STAU2: variants seen among roughly 807,000 people sequenced by gnomAD.
STAU2 encodes staufen double-stranded RNA binding protein 2.
In STAU2, 20 loss-of-function variants were observed where a neutral mutation model predicts 65.9. That is an observed-to-expected ratio of 0.30 (90% confidence interval 0.21 to 0.44). The LOEUF (loss-of-function observed/expected upper bound fraction) is 0.44, where lower values mean the gene tolerates loss of function less well. Ranked by LOEUF, STAU2 falls within the 20% of genes least tolerant of loss-of-function variation. STAU2 has a pLI of 1.00. For missense variants in STAU2, 558 were observed against 683.9 expected (o/e 0.82, Z 2.05); for synonymous variants, 232 against 233.9 (o/e 0.99, Z 0.07).
chr8:73,613,364 T>C (rs1432346956), intron 9 of STAU2, among the ~76,000 whole-genome samples: 1 of 152,168 alleles, frequency 6.6e-6, no homozygotes. Flanking sequence ...TTTGACATGA[T>C]TGCTGAATAA....
chr8:73,468,678 T>A (rs936735380), intron 13 of STAU2, among the ~76,000 whole-genome samples: 3 of 152,230 alleles, frequency 2.0e-5, no homozygotes, highest in Non-Finnish European at 4.4e-5. Context: ...AGAAGACATT[T>A]ATGCAGCCAA....
intron 11 of STAU2, among the ~76,000 whole-genome samples, chr8:73,587,604 T>C (rs1810467543): frequency 2.6e-5 from 4 of 152,222 alleles, no homozygotes; most frequent in African/African-American, 9.6e-5. Context: ...CAGAAAGATG[T>C]AGAAAAGTGT....
At position 73,709,088 on chromosome 8, in the gene STAU2, T is replaced by C. The variant is rs1820713364; in HGVS notation, c.58A>G (p.Asn20Asp). 2 of 1,533,876 alleles carry C rather than the reference T, an allele frequency of 1.3e-6. No homozygotes were observed. The highest frequency in any genetic ancestry group is 1.7e-6 in the Non-Finnish European group (2 of 1,145,158). The change falls in exon 4 of 15, where the codon AAT becomes GAT. Residue 20 changes from asparagine to aspartate, a missense_variant. By Grantham distance (23) the Asn-to-Asp change is conservative. Transcript: ENST00000524300. Reference protein sequence around the residue: ...MCLVNELARFNRVQPQYKLLN... With the variant: ...MCLVNELARFDRVQPQYKLLN... Reference sequence around the variant, plus strand: ...AGTTTATACTGGGGTTGGACTCTATTGAAACGGGCTAACTCATTTACCAGA... The same window carrying C: ...AGTTTATACTGGGGTTGGACTCTATCGAAACGGGCTAACTCATTTACCAGA...
At chr8:73,438,171 G>C (rs1459838154) in intron 13 of STAU2, among the ~76,000 whole-genome samples, 1 of 152,146 alleles carries the variant, frequency 6.6e-6, no homozygotes, top group African/African-American at 2.4e-5. Context: ...GTCTCAGTCT[G>C]TCATTATTTC....
chr8:73,514,107 G>T (rs894069307), intron 13 of STAU2, among the ~76,000 whole-genome samples: 2 of 152,042 alleles, frequency 1.3e-5, no homozygotes, highest in African/African-American at 4.8e-5. Flanking sequence ...TGTTCTTTTG[G>T]TAGTCTACCT....
chr8:73,636,172 T>C (rs572292672), intron 6 of STAU2, among the ~76,000 whole-genome samples: 1 of 152,180 alleles, frequency 6.6e-6, no homozygotes, highest in Admixed American at 6.5e-5. Context: ...CTGGGCAACA[T>C]AGCAAAACCC....
intron 6 of STAU2, among the ~76,000 whole-genome samples, chr8:73,646,807 C>T (rs1333059368): frequency 6.6e-6 from 1 of 151,690 alleles, no homozygotes; most frequent in African/African-American, 2.4e-5. Flanking sequence ...AAAAGATTTG[C>T]AAACCACATA....
intron 6 of STAU2, among the ~76,000 whole-genome samples, chr8:73,641,787 C>T (rs1050492991): frequency 1.8e-4 from 27 of 152,214 alleles, no homozygotes; most frequent in Non-Finnish European, 3.5e-4. Flanking sequence ...TTAAAACATA[C>T]TTTAGAAAAT....
rs71561522 is a variant in STAU2 at position 73,429,413 on chromosome 8, CTTTTTTTTTTTTTTTT to C, written c.1531-6727_1531-6712del. Reference sequence around the variant, plus strand: ...AACCAATCTATATTCTTGCTCAGGTCTTTTTTTTTTTTTTTTTTTTTTTTTTTTTTTTTTTTTGAGG... The same window carrying C: ...AACCAATCTATATTCTTGCTCAGGTCTTTTTTTTTTTTTTTTTTTTTGAGG... On this transcript the variant is annotated intron_variant, in intron 13 of 14. Transcript: ENST00000524300. Among the ~76,000 whole-genome samples the C allele has an allele frequency of 2.6e-3, 170 of 65,366 alleles. 1 individual carries two copies. The highest frequency in any genetic ancestry group is 3.9e-3 in the Non-Finnish European group (111 of 28,528). 42.9% of individuals were successfully genotyped at this position (65,366 alleles called of 152,430 possible).
At chr8:73,746,326 C>G (rs112491443) in intron 1 of STAU2, among the ~76,000 whole-genome samples, 1 of 151,478 alleles carries the variant, frequency 6.6e-6, no homozygotes, top group Admixed American at 6.6e-5. Flanking sequence ...CTACTCTAGG[C>G]GCTCCCTCTC....
intron 13 of STAU2, among the ~76,000 whole-genome samples, chr8:73,519,243 T>C (rs1214969745): frequency 6.6e-6 from 1 of 152,172 alleles, no homozygotes; most frequent in African/African-American, 2.4e-5. Context: ...ACCCCTAGGA[T>C]GAAGACATGG....
chr8:73,586,025 CT>C, intron 11 of STAU2, among the ~76,000 whole-genome samples: 1 of 152,324 alleles, frequency 6.6e-6, no homozygotes. Flanking sequence ...CCAGCCAGCC[CT>C]GCAGAACTGT....
rs965983797 is a variant in STAU2, at chr8:73,670,586, G to A, written c.410+2521C>T. ...GGGAAGGGCAGAAGTCTAATACAGT[G>A]TGCAAATTCTTCTTAGAGAACCTAA... On this transcript the variant is annotated intron_variant, in intron 6 of 14. Coordinates refer to ENST00000524300, the MANE Select transcript of STAU2 (RefSeq NM_001164380.2). 8.5e-5 allele frequency: 13 copies of A among 152,280 alleles called. No individual in the cohort carries two copies. The East Asian group carries it at 1.7e-3, about 20-fold the overall frequency. The allele number at this position is 152,280 out of a possible 1,614,324, so 9.4% of individuals were successfully genotyped here. A position where few individuals can be genotyped will look rare whatever the true frequency, so the allele number is the denominator to read the frequency against.
chr8:73,570,621 G>C (rs1809002486), intron 12 of STAU2, among the ~76,000 whole-genome samples: 1 of 152,168 alleles, frequency 6.6e-6, no homozygotes, highest in South Asian at 2.1e-4. Flanking sequence ...TGCTCCTCAA[G>C]AAGAGCAACC....
chr8:73,502,017 C>T (rs571187844), intron 13 of STAU2, among the ~76,000 whole-genome samples: 1 of 151,936 alleles, frequency 6.6e-6, no homozygotes, highest in East Asian at 1.9e-4. Context: ...GCTCCTTCTG[C>T]TGATATTCAA....
At chr8:73,663,958 G>A (rs1817039609) in intron 6 of STAU2, among the ~76,000 whole-genome samples, 1 of 152,110 alleles carries the variant, frequency 6.6e-6, no homozygotes, top group Non-Finnish European at 1.5e-5. Flanking sequence ...ACAGAATCAT[G>A]GTGTCTATGA....
At chr8:73,596,832 G>T (rs1811224848) in intron 10 of STAU2, among the ~76,000 whole-genome samples, 2 of 152,056 alleles carry the variant, frequency 1.3e-5, no homozygotes, top group South Asian at 4.1e-4. Context: ...CTGGGCAACA[G>T]AGTAAGACCA....
rs1365508200 is a variant in STAU2, at chr8:73,702,241, T to C, written c.114+6791A>G. ...TTTAAAATAACTAAAAGAGTATAAGTAGATTGTTCGTAACACAAAGGATAA... is the reference window on the plus strand; with the variant it reads ...TTTAAAATAACTAAAAGAGTATAAGCAGATTGTTCGTAACACAAAGGATAA... On this transcript the variant is annotated intron_variant, in intron 4 of 14. Transcript: ENST00000524300. 2.6e-5 allele frequency among the ~76,000 whole-genome samples: 4 copies of C among 152,268 alleles called. No homozygotes were observed. The South Asian group carries it at 8.3e-4, about 32-fold the overall frequency.
intron 4 of STAU2, among the ~76,000 whole-genome samples, chr8:73,696,806 CA>C (rs749757145): frequency 5.9e-5 from 9 of 152,182 alleles, no homozygotes; most frequent in Non-Finnish European, 8.8e-5. Flanking sequence ...AAAGAGATAA[CA>C]GTAGAAAGTT....
Sources: gnomAD v4.1 joint callset for allele counts (sites outside exome capture counted in the v4.1 genomes callset) on GRCh38, gnomAD v4.1.1 for gene constraint, MANE v1.5 for transcripts, NCBI Gene and HGNC (gene_info 2026-07-23, HGNC 2026-07-21) for gene names.